Variants in SYT14 observed in about 807,000 individuals in gnomAD.
The protein encoded by SYT14 is synaptotagmin-14.
Under a neutral mutation model 74.2 loss-of-function variants are expected in SYT14, and 32 were observed. The ratio of observed to expected loss-of-function variants is 0.43; its 90% confidence interval spans 0.33 to 0.58. The LOEUF is 0.58. Among genes scored for constraint, SYT14 ranks in the 20% least tolerant of loss-of-function variants. SYT14 has a pLI of 0.05. For synonymous variants in SYT14, 298 were observed against 337.7 expected, an observed-to-expected ratio of 0.88 and a Z score of 1.29; for missense variants, 791 against 981.8, an observed-to-expected ratio of 0.81 and a Z score of 2.60.
chr1:210,127,727 T>A (rs1436947826), intron 7 of SYT14, among the ~76,000 whole-genome samples: 2 of 152,200 alleles, frequency 1.3e-5, no homozygotes, highest in African/African-American at 4.8e-5. Flanking sequence ...ATTTTATTTT[T>A]AAAATTGGAT....
intron 5 of SYT14, among the ~76,000 whole-genome samples, chr1:210,064,864 C>T (rs762595343): frequency 5.7e-4 from 87 of 152,000 alleles, no homozygotes; most frequent in Non-Finnish European, 1.2e-3. Flanking sequence ...ATGGCTGAAC[C>T]CTTTTACACT....
intron 2 of SYT14, among the ~76,000 whole-genome samples, chr1:209,988,360 A>C (rs1488388202): frequency 6.6e-6 from 1 of 152,182 alleles, no homozygotes; most frequent in Non-Finnish European, 1.5e-5. Flanking sequence ...AACCCATGGA[A>C]TATATCATCA....
chr1:210,165,093 A>G (rs1329595049), exon 10 of SYT14: 1 of 152,160 alleles, frequency 6.6e-6, no homozygotes, highest in Non-Finnish European at 1.5e-5. Context: ...TTATTGATAA[A>G]GAAACTGCAG....
chr1:210,106,094 C>T (rs2082153321), intron 7 of SYT14, among the ~76,000 whole-genome samples: 1 of 152,208 alleles, frequency 6.6e-6, no homozygotes, highest in African/African-American at 2.4e-5. Flanking sequence ...TTGCCTTCTT[C>T]TGAAAGAATC....
chr1:210,030,141 TTTG>T (rs1214056781), intron 5 of SYT14, among the ~76,000 whole-genome samples: 4 of 151,886 alleles, frequency 2.6e-5, no homozygotes, highest in Non-Finnish European at 5.9e-5. Context: ...TTTTTTTGTT[TTTG>T]TTTTTGTTTT....
chr1:209,987,373 C>A (rs540223654), intron 2 of SYT14, among the ~76,000 whole-genome samples: 5 of 152,206 alleles, frequency 3.3e-5, no homozygotes, highest in African/African-American at 1.2e-4. Context: ...AAGCATGGCG[C>A]TGGCATCTGT....
chr1:209,949,779 G>A (rs953084156), intron 1 of SYT14, among the ~76,000 whole-genome samples: 26 of 152,164 alleles, frequency 1.7e-4, no homozygotes, highest in African/African-American at 5.8e-4. Context: ...AGTCTTATTC[G>A]TTGGTTAGAA....
intron 7 of SYT14, among the ~76,000 whole-genome samples, chr1:210,108,131 T>C (rs187521335): frequency 5.3e-5 from 8 of 152,332 alleles, no homozygotes; most frequent in Admixed American, 3.9e-4. Flanking sequence ...ATGTCTGTAT[T>C]TCATTAAATC....
At position 210,151,513 on chromosome 1, in the gene SYT14, CT is replaced by C. The variant is rs1553289498; in HGVS notation, c.2035-4194del. 2.4e-3 allele frequency among the ~76,000 whole-genome samples: 312 copies of C among 131,314 alleles called. 1 individual carries two copies. Among genetic ancestry groups the C allele is most frequent in the Admixed American group, 4.3e-3 (57 of 13,138 alleles). The allele number at this position is 131,314 out of a possible 152,430, so 86.1% of individuals were successfully genotyped here. A position where few individuals can be genotyped will look rare whatever the true frequency, so the allele number is the denominator to read the frequency against. On this transcript the variant is annotated intron_variant, in intron 7 of 9. Coordinates refer to ENST00000637265, the Ensembl canonical transcript of SYT14. ...GAAATTATAGGCGAATGCCCCCCCC[CT>C]TTTTTTTTTTTTTAACTACAGTGGT...
chr1:210,132,567 T>TTTTGTGTGTGTGTGTGTG (rs147481736), intron 7 of SYT14, among the ~76,000 whole-genome samples: 2 of 144,998 alleles, frequency 1.4e-5, no homozygotes, highest in Non-Finnish European at 3.0e-5. Flanking sequence ...ATTTTATATA[T>TTTTGTGTGTGTGTGTGTG]TGTGTGTGTG....
intron 2 of SYT14, among the ~76,000 whole-genome samples, chr1:209,989,054 G>A (rs1408502069): frequency 6.6e-6 from 1 of 152,144 alleles, no homozygotes; most frequent in African/African-American, 2.4e-5. Context: ...TAGTCATACA[G>A]ATGATCTCAT....
intron 2 of SYT14, among the ~76,000 whole-genome samples, chr1:209,998,054 G>A (rs1189866210): frequency 1.3e-5 from 2 of 151,850 alleles, no homozygotes; most frequent in Non-Finnish European, 2.9e-5. Flanking sequence ...TTTTGATTGC[G>A]TGTTTTTAAG....
At chr1:209,969,388 T>C (rs1216567144) in intron 2 of SYT14, among the ~76,000 whole-genome samples, 2 of 152,168 alleles carry the variant, frequency 1.3e-5, no homozygotes, top group Non-Finnish European at 2.9e-5. Flanking sequence ...CCCCTTTTTC[T>C]GCAGCCTCAC....
At chr1:210,025,154 G>A (rs1462855471) in intron 5 of SYT14, among the ~76,000 whole-genome samples, 2 of 152,126 alleles carry the variant, frequency 1.3e-5, no homozygotes, top group Non-Finnish European at 2.9e-5. Flanking sequence ...ACTCTCCTCT[G>A]GTATATATTT....
chr1:210,054,551 T>C lies in SYT14; in HGVS notation c.1312+33297T>C, dbSNP rs546790375. On this transcript the variant is annotated intron_variant, in intron 5 of 9. Coordinates refer to ENST00000637265, the Ensembl canonical transcript of SYT14. ...TTTATATTGGAGGTTTTCTCACATATGTAGAGATTGTCATATGTAACAGTG... is the reference window on the plus strand; with the variant it reads ...TTTATATTGGAGGTTTTCTCACATACGTAGAGATTGTCATATGTAACAGTG... Among the ~76,000 whole-genome samples the C allele has an allele frequency of 2.6e-4, 39 of 152,316 alleles. 1 individual carries two copies. Among genetic ancestry groups the C allele is most frequent in the Admixed American group, 2.6e-4 (4 of 15,304 alleles).
At chr1:210,064,736 G>C (rs2081266447) in intron 5 of SYT14, among the ~76,000 whole-genome samples, 1 of 152,014 alleles carries the variant, frequency 6.6e-6, no homozygotes, top group Non-Finnish European at 1.5e-5. Context: ...TGATGTGCAA[G>C]TGTCTGATTG....
chr1:209,979,297 C>T (rs1162952812), intron 2 of SYT14, among the ~76,000 whole-genome samples: 4 of 152,178 alleles, frequency 2.6e-5, no homozygotes, highest in Non-Finnish European at 5.9e-5. Context: ...CTGCGTCGCT[C>T]ACACTGGGAG....
In SYT14 at chr1:210,094,313, C is replaced by T. The variant is rs1447048913; in HGVS notation, c.1313-9C>T. Reference sequence around the variant, plus strand: ...TGGAAACAGTGACCAGATTCTTAATCATTATCAGGAAACTGCATTCAGAGA... The same window carrying T: ...TGGAAACAGTGACCAGATTCTTAATTATTATCAGGAAACTGCATTCAGAGA... On this transcript the variant is annotated splice_polypyrimidine_tract_variant and intron_variant, in intron 5 of 9. Coordinates refer to ENST00000637265, the Ensembl canonical transcript of SYT14. 3 of 1,613,732 alleles carry T rather than the reference C, an allele frequency of 1.9e-6. No homozygotes were observed. In the South Asian group the frequency reaches 3.3e-5, roughly 18 times the overall value.
exon 4 of SYT14, chr1:210,015,839 G>T: frequency 1.1e-5 from 13 of 1,143,094 alleles, no homozygotes; most frequent in African/African-American, 1.6e-5. Flanking sequence ...TTCTTTCAAT[G>T]CATAATGTAT....
Sources: allele counts gnomAD v4.1 joint callset (sites outside exome capture counted in the v4.1 genomes callset), GRCh38; gene constraint gnomAD v4.1.1; transcripts MANE v1.5; gene names NCBI Gene and HGNC (gene_info 2026-07-23, HGNC 2026-07-21).